The following RREB1 variants were observed in gnomAD, a reference collection of about 807,000 sequenced individuals.
RREB1 encodes the protein ras-responsive element-binding protein 1.
Under a neutral mutation model 117.8 loss-of-function variants are expected in RREB1, and 27 were observed. That is an observed-to-expected ratio of 0.23 (90% CI 0.17 to 0.32). The LOEUF is 0.32. Ranked by LOEUF, RREB1 falls within the 10% of genes least tolerant of loss-of-function variation. The probability of loss-of-function intolerance (pLI) is 1.00; values close to 1 mark genes in which losing one functional copy is unlikely to be tolerated. For synonymous variants in RREB1, 1,298 were observed against 1,026.7 expected (o/e 1.26, Z -5.05); for missense variants, 2,577 against 2,378.2 (o/e 1.08, Z -1.74).
intron 1 of RREB1, among the ~76,000 whole-genome samples, chr6:7,143,322 G>A (rs917536741): frequency 6.6e-5 from 10 of 152,178 alleles, no homozygotes; most frequent in Non-Finnish European, 1.3e-4. Context: ...GGTACCAGAT[G>A]TTTCTTTTGT....
chr6:7,156,434 G>A (rs1763364089), intron 1 of RREB1, among the ~76,000 whole-genome samples: 1 of 152,236 alleles, frequency 6.6e-6, no homozygotes, highest in South Asian at 2.1e-4. Context: ...AGGAAGGCCA[G>A]GGAACACTGT....
chr6:7,231,016 C>G lies in RREB1; in HGVS notation c.2917C>G (p.Pro973Ala), dbSNP rs751677902. The change falls in exon 10 of 13, where the codon CCA (proline) becomes GCA (alanine). Residue 973 changes from proline to alanine, a missense_variant. Physicochemically the swap from Pro to Ala is conservative, Grantham distance 27. Transcript: ENST00000379938. The stretch of plus-strand genomic sequence containing the variant: ...GAGCAGCGAGCAGCCCTCTCCCTGC[C>G]CAGCACCCGGCCCTTCTCTTCCTGT... The part of the protein sequence containing the change: ...AGSSEQPSPC[P>A]APGPSLPVTL... 1 of 1,614,096 alleles carries G rather than the reference C, an allele frequency of 6.2e-7. No homozygotes were observed. The highest frequency in any genetic ancestry group is 1.3e-5 in the African/African-American group (1 of 75,040).
intron 11 of RREB1, among the ~76,000 whole-genome samples, chr6:7,242,639 G>T (rs1322198657): frequency 8.9e-6 from 1 of 112,022 alleles, no homozygotes; most frequent in Non-Finnish European, 1.8e-5. Flanking sequence ...CTTCATTCTG[G>T]GTTCCCCCCC....
At chr6:7,132,914 T>G (rs1762212077) in intron 1 of RREB1, among the ~76,000 whole-genome samples, 1 of 152,170 alleles carries the variant, frequency 6.6e-6, no homozygotes, top group Non-Finnish European at 1.5e-5. Flanking sequence ...ACTTGAAAAT[T>G]TGTGAGCCAT....
intron 6 of RREB1, among the ~76,000 whole-genome samples, chr6:7,209,038 A>G (rs911902349): frequency 1.3e-5 from 2 of 152,164 alleles, no homozygotes; most frequent in East Asian, 3.9e-4. Context: ...TAAGGTTCCT[A>G]CTAGGCCCTC....
chr6:7,192,038 C>A (rs993725518), intron 6 of RREB1, among the ~76,000 whole-genome samples: 1 of 149,470 alleles, frequency 6.7e-6, no homozygotes, highest in Non-Finnish European at 1.5e-5. Flanking sequence ...ATGTTCCTTA[C>A]CAGTTTGAGA....
rs1172156880 is a variant in RREB1, at chr6:7,246,809, T to C, written c.4359T>C (p.Cys1453=). ...SQEQKLACDT[C]GKSFKFLGTL... is the part of the protein sequence containing the mutation. ...AGCAGAAGCTCGCCTGCGACACCTGTGGGAAGAGCTTCAAGTTCCTGGGCA... is the reference window on the plus strand; with the variant it reads ...AGCAGAAGCTCGCCTGCGACACCTGCGGGAAGAGCTTCAAGTTCCTGGGCA... The change falls in exon 12 of 13, where the codon TGT becomes TGC. Residue 1453 remains cysteine, a synonymous_variant. Transcript: ENST00000379938. 1 of 1,552,324 alleles carries C rather than the reference T, an allele frequency of 6.4e-7. No individual in the cohort carries two copies. The highest frequency in any genetic ancestry group is 1.2e-5 in the South Asian group (1 of 84,370).
In RREB1 at chr6:7,249,058, GGAGTGAGAGAGAGA is replaced by G; in HGVS notation, c.*94_*107del. ...TTCCTCAGTGCCCTTTGGCTGTTGAGGAGTGAGAGAGAGAGAGAGAGAGAGAGAGAGAGAGAGAG... is the reference window on the plus strand; with the variant it reads ...TTCCTCAGTGCCCTTTGGCTGTTGAGGAGAGAGAGAGAGAGAGAGAGAGAG... On this transcript the variant is annotated 3_prime_UTR_variant, in exon 13 of 13. Transcript: ENST00000379938. 1.3e-6 allele frequency: 1 copy of G among 763,548 alleles called. No homozygotes were observed. Among genetic ancestry groups the G allele is most frequent in the Non-Finnish European group, 1.9e-6 (1 of 524,170 alleles). The allele number at this position is 763,548 out of a possible 1,614,324, so 47.3% of individuals were successfully genotyped here. A position where few individuals can be genotyped will look rare whatever the true frequency, so the allele number is the denominator to read the frequency against.
At chr6:7,164,807 C>T (rs1763844288) in intron 1 of RREB1, among the ~76,000 whole-genome samples, 1 of 152,226 alleles carries the variant, frequency 6.6e-6, no homozygotes, top group Non-Finnish European at 1.5e-5. Context: ...CCTGGCCTCG[C>T]TCCAAAGGCG....
At chr6:7,206,535 C>T (rs537358038) in intron 6 of RREB1, among the ~76,000 whole-genome samples, 29 of 152,332 alleles carry the variant, frequency 1.9e-4, no homozygotes, top group African/African-American at 3.8e-4. Flanking sequence ...CACCTATGTG[C>T]CACCAGGGCT....
At chr6:7,120,110 C>A (rs11751021) in intron 1 of RREB1, among the ~76,000 whole-genome samples, 1 of 144,824 alleles carries the variant, frequency 6.9e-6, no homozygotes, top group Admixed American at 6.9e-5. Context: ...CCCCGCCCGC[C>A]TTTTTTAGCT....
At chr6:7,240,669 C>G in intron 11 of RREB1, 67 bp downstream of exon 11, 1 of 1,464,422 alleles carries the variant, frequency 6.8e-7, no homozygotes, top group Non-Finnish European at 9.4e-7. Context: ...AGAATTGTAG[C>G]AAACTCCAGT....
rs57110705 is a variant in RREB1, at chr6:7,153,413, T to TACACACACACACACACACACAC, written c.-284-23232_-284-23211dup. Among the ~76,000 whole-genome samples, 112 of 145,820 alleles carry TACACACACACACACACACACAC rather than the reference T, an allele frequency of 7.7e-4. 1 individual carries two copies. The highest frequency in any genetic ancestry group is 2.0e-3 in the African/African-American group (80 of 39,270). Reference sequence around the variant, plus strand: ...AAGTCAAGGGATTCCAGTAGTGGTATACACACACACACACACACACACACA... The same window carrying TACACACACACACACACACACAC: ...AAGTCAAGGGATTCCAGTAGTGGTATACACACACACACACACACACACACACACACACACACACACACACACA... On this transcript the variant is annotated intron_variant, in intron 1 of 12. Transcript: ENST00000379938.
chr6:7,225,214 G>C (rs1333023337), intron 8 of RREB1, among the ~76,000 whole-genome samples: 1 of 152,218 alleles, frequency 6.6e-6, no homozygotes, highest in Non-Finnish European at 1.5e-5. Context: ...CTTAGCGGTG[G>C]TGAGGGTCAG....
chr6:7,115,319 C>T (rs1287974261), intron 1 of RREB1, among the ~76,000 whole-genome samples: 1 of 152,022 alleles, frequency 6.6e-6, no homozygotes, highest in African/African-American at 2.4e-5. Context: ...ATCTTTTAGC[C>T]AGCAAGTGTT....
chr6:7,170,331 T>TC (rs1171978233), intron 1 of RREB1, among the ~76,000 whole-genome samples: 2 of 151,820 alleles, frequency 1.3e-5, no homozygotes, highest in African/African-American at 4.8e-5. Flanking sequence ...GCTGCGTGTC[T>TC]CCCCTTGAGG....
intron 1 of RREB1, among the ~76,000 whole-genome samples, chr6:7,120,880 C>G (rs1280975196): frequency 2.1e-5 from 3 of 144,104 alleles, no homozygotes; most frequent in Non-Finnish European, 1.5e-5. Flanking sequence ...AGTGCTGTGG[C>G]ACGATATTGG....
At position 7,200,282 on chromosome 6, in the gene RREB1, ATT is replaced by A. The variant is rs1163811223; in HGVS notation, c.426-10510_426-10509del. On this transcript the variant is annotated intron_variant, in intron 6 of 12. Transcript: ENST00000379938. ...TGTGTGTGTGTGTGTGTGTGTGTGT[ATT>A]TTTTTTTTTTTCTTTTTTGAGATGA... Among the ~76,000 whole-genome samples, 28 of 97,748 alleles carry A rather than the reference ATT, an allele frequency of 2.9e-4. No individual in the cohort carries two copies. In the East Asian group the frequency reaches 5.4e-3, roughly 19 times the overall value. 64.1% of individuals were successfully genotyped at this position (97,748 alleles called of 152,430 possible). A position where few individuals can be genotyped will look rare whatever the true frequency, so the allele number is the denominator to read the frequency against.
At chr6:7,192,555 T>C (rs192679973) in intron 6 of RREB1, among the ~76,000 whole-genome samples, 1 of 152,218 alleles carries the variant, frequency 6.6e-6, no homozygotes, top group East Asian at 1.9e-4. Flanking sequence ...ATTTTGGATA[T>C]TTCATCAAGT....
Sources: allele counts gnomAD v4.1 joint callset (sites outside exome capture counted in the v4.1 genomes callset), GRCh38; gene constraint gnomAD v4.1.1; transcripts MANE v1.5; gene names NCBI Gene and HGNC (gene_info 2026-07-23, HGNC 2026-07-21).